Variants in DGKB observed in about 807,000 individuals in gnomAD.
The protein encoded by DGKB is 90 kDa diacylglycerol kinase.
In DGKB, 67 loss-of-function variants were observed where a neutral mutation model predicts 114.3. The observed-to-expected ratio is 0.59, with a 90% CI of 0.48 to 0.72. DGKB has a LOEUF of 0.72. DGKB is among the 30% of genes least tolerant of loss of function. The probability of loss-of-function intolerance (pLI) is 0.00; values close to 1 mark genes in which losing one functional copy is unlikely to be tolerated. For missense variants in DGKB, 907 were observed against 975.2 expected (o/e 0.93, Z 0.93); for synonymous variants, 398 against 323.1 (o/e 1.23, Z -2.49).
chr7:14,352,951 TA>T (rs143460115), intron 21 of DGKB, among the ~76,000 whole-genome samples: 38,177 of 151,422 alleles, frequency 0.25, 6,217 homozygotes, highest in Middle Eastern at 0.41. Flanking sequence ...ACCAAACAAA[TA>T]AAAAAAATAA....
chr7:14,966,536 T>C (rs1360214275), intron 1 of DGKB, among the ~76,000 whole-genome samples: 2 of 152,060 alleles, frequency 1.3e-5, no homozygotes, highest in Non-Finnish European at 2.9e-5. Context: ...ACTCCTGGCC[T>C]CAAGCAATCC....
chr7:14,204,926 G>C (rs1476763656), intron 23 of DGKB, among the ~76,000 whole-genome samples: 1 of 151,996 alleles, frequency 6.6e-6, no homozygotes, highest in African/African-American at 2.4e-5. Context: ...ACTTGTATAA[G>C]CTTTCATTGT....
At chr7:14,497,770 CA>C (rs1785516684) in intron 20 of DGKB, among the ~76,000 whole-genome samples, 1 of 151,870 alleles carries the variant, frequency 6.6e-6, no homozygotes, top group Admixed American at 6.6e-5. Context: ...TGCAATACTG[CA>C]AAACCAATAG....
At chr7:14,758,572 A>G (rs1457385692) in intron 2 of DGKB, among the ~76,000 whole-genome samples, 1 of 152,122 alleles carries the variant, frequency 6.6e-6, no homozygotes, top group African/African-American at 2.4e-5. Context: ...TCAAAATTAA[A>G]ATGTAGGAAA....
At chr7:14,942,445 G>C (rs36883) in intron 1 of DGKB, among the ~76,000 whole-genome samples, 1 of 151,480 alleles carries the variant, frequency 6.6e-6, no homozygotes, top group Non-Finnish European at 1.5e-5. Flanking sequence ...AATATTAATC[G>C]CTTAACCTTA....
At chr7:14,674,807 AG>A (rs1291613953) in intron 12 of DGKB, among the ~76,000 whole-genome samples, 1 of 152,148 alleles carries the variant, frequency 6.6e-6, no homozygotes, top group Non-Finnish European at 1.5e-5. Flanking sequence ...ACCAGAAGCT[AG>A]GAAGAAGCAG....
At chr7:14,376,114 T>G (rs2128666403) in intron 21 of DGKB, among the ~76,000 whole-genome samples, 1 of 152,246 alleles carries the variant, frequency 6.6e-6, no homozygotes, top group Non-Finnish European at 1.5e-5. Flanking sequence ...CATAGTTAAT[T>G]TCTAGAGAGG....
intron 21 of DGKB, among the ~76,000 whole-genome samples, chr7:14,393,285 G>A (rs529792571): frequency 7.2e-5 from 11 of 151,990 alleles, no homozygotes; most frequent in African/African-American, 2.4e-4. Context: ...CACCGCGCCC[G>A]GTCAACAGAC....
chr7:14,550,759 A>C (rs567361021), intron 20 of DGKB, among the ~76,000 whole-genome samples: 1 of 152,326 alleles, frequency 6.6e-6, no homozygotes, highest in East Asian at 1.9e-4. Context: ...TTATCTGCAG[A>C]CCAACAGAAT....
At chr7:14,336,588 A>T (rs1810717155) in intron 23 of DGKB, among the ~76,000 whole-genome samples, 1 of 152,160 alleles carries the variant, frequency 6.6e-6, no homozygotes, top group Non-Finnish European at 1.5e-5. Context: ...AATTGGTTCT[A>T]ATAGTTCCAC....
chr7:14,662,253 G>A (rs1199530885), intron 13 of DGKB, among the ~76,000 whole-genome samples: 7 of 149,236 alleles, frequency 4.7e-5, no homozygotes, highest in Non-Finnish European at 8.9e-5. Context: ...ATGAGAGTTG[G>A]CAGGGGCTAG....
intron 21 of DGKB, among the ~76,000 whole-genome samples, chr7:14,477,921 T>C (rs1035144681): frequency 2.0e-5 from 3 of 152,088 alleles, no homozygotes; most frequent in Non-Finnish European, 4.4e-5. Flanking sequence ...AATCTTTCTT[T>C]ATAATACATG....
intron 23 of DGKB, among the ~76,000 whole-genome samples, chr7:14,279,298 C>T (rs1017137709): frequency 2.6e-5 from 4 of 152,094 alleles, no homozygotes; most frequent in African/African-American, 7.2e-5. Flanking sequence ...GGCAGCCAGG[C>T]GGGGGGAGGG....
Position 14,593,906 on chromosome 7 carries a change from C to G in DGKB, c.1434-10769G>C, listed in dbSNP as rs988355616. 3.3e-5 allele frequency among the ~76,000 whole-genome samples: 5 copies of G among 151,754 alleles called. 1 individual carries two copies. In the South Asian group the frequency reaches 1.0e-3, roughly 31 times the overall value. On this transcript the variant is annotated intron_variant, in intron 17 of 25. Coordinates refer to ENST00000402815, the MANE Select transcript of DGKB (RefSeq NM_001350709.2). ...CCAGAGCTAGCATGATAAGGAAGTC[C>G]TTTCGGTTTTGACCCTGTAAGAAAA...
intron 20 of DGKB, among the ~76,000 whole-genome samples, chr7:14,509,930 C>T (rs1341918305): frequency 1.3e-5 from 2 of 152,188 alleles, no homozygotes; most frequent in Admixed American, 1.3e-4. Flanking sequence ...AATCCCCGCA[C>T]ATTGGGAGGC....
At chr7:14,517,765 T>C (rs1268534793) in intron 20 of DGKB, among the ~76,000 whole-genome samples, 1 of 151,812 alleles carries the variant, frequency 6.6e-6, no homozygotes, top group Non-Finnish European at 1.5e-5. Flanking sequence ...TGAGATACCA[T>C]CCCATACCAG....
chr7:14,878,773 A>C (rs944545324), intron 1 of DGKB, among the ~76,000 whole-genome samples: 3 of 151,650 alleles, frequency 2.0e-5, no homozygotes, highest in Non-Finnish European at 2.9e-5. Flanking sequence ...AAAAAACAAA[A>C]AAAAAAAACC....
At chr7:14,284,817 T>G (rs112445999) in intron 23 of DGKB, among the ~76,000 whole-genome samples, 10 of 139,578 alleles carry the variant, frequency 7.2e-5, no homozygotes, top group African/African-American at 2.4e-4. Flanking sequence ...ACAATGAGAT[T>G]GCATGGACAC....
At chr7:14,891,099 T>A (rs1037311355) in intron 1 of DGKB, among the ~76,000 whole-genome samples, 3 of 151,410 alleles carry the variant, frequency 2.0e-5, no homozygotes, top group Non-Finnish European at 3.0e-5. Context: ...CAAACCATAC[T>A]GATAAATGGA....
Sources: allele counts gnomAD v4.1 joint callset (sites outside exome capture counted in the v4.1 genomes callset), GRCh38; gene constraint gnomAD v4.1.1; transcripts MANE v1.5; gene names NCBI Gene and HGNC (gene_info 2026-07-23, HGNC 2026-07-21).